Variants in SCARA3 observed in about 807,000 individuals in gnomAD.
SCARA3 encodes scavenger receptor class A member 3, also known as cellular stress response gene protein.
A neutral mutation model predicts 47.0 loss-of-function variants in SCARA3; 39 were observed. That is an observed-to-expected ratio of 0.83 (90% CI 0.64 to 1.08). SCARA3 has a LOEUF of 1.08. Ranked by LOEUF, SCARA3 falls within the 50% of genes least tolerant of loss-of-function variation. The probability of loss-of-function intolerance (pLI) is 0.00; values close to 1 mark genes in which losing one functional copy is unlikely to be tolerated. For missense variants in SCARA3, 724 were observed against 792.3 expected (o/e 0.91, Z 1.04); for synonymous variants, 356 against 334.1 (o/e 1.07, Z -0.71).
upstream of SCARA3, among the ~76,000 whole-genome samples, chr8:27,633,648 G>A (rs1415552265): frequency 6.6e-6 from 1 of 152,142 alleles, no homozygotes; most frequent in Non-Finnish European, 1.5e-5. Flanking sequence ...CGCCGCGGGA[G>A]CCCGGGTTCG....
chr8:27,663,306 C>A (rs1801951284), intron 5 of SCARA3, among the ~76,000 whole-genome samples: 1 of 152,230 alleles, frequency 6.6e-6, no homozygotes, highest in Admixed American at 6.5e-5. Context: ...CATCTGTAAA[C>A]CAGGACTGAA....
chr8:27,670,504 C>T (rs972354820), intron 5 of SCARA3, among the ~76,000 whole-genome samples: 6 of 152,154 alleles, frequency 3.9e-5, no homozygotes, highest in Non-Finnish European at 7.3e-5. Context: ...CTCCATGTCA[C>T]CTGACTTGAA....
intron 1 of SCARA3, among the ~76,000 whole-genome samples, chr8:27,636,213 C>T (rs1043759212): frequency 1.3e-5 from 2 of 152,238 alleles, no homozygotes; most frequent in African/African-American, 4.8e-5. Context: ...CGGGGCCACA[C>T]TGCCCTGGAC....
At chr8:27,686,579 G>C in the SCARA3 span, among the ~76,000 whole-genome samples, 4 of 152,090 alleles carry the variant, frequency 2.6e-5, no homozygotes, top group South Asian at 4.2e-4. Context: ...GCCTCCTGGG[G>C]GGCCAGGCTG....
the SCARA3 span, among the ~76,000 whole-genome samples, chr8:27,692,057 G>A: frequency 1.3e-5 from 2 of 152,142 alleles, no homozygotes; most frequent in African/African-American, 4.8e-5. Flanking sequence ...GGAAGGGGGA[G>A]TTGGACATAC....
At chr8:27,711,830 C>T in the SCARA3 span, among the ~76,000 whole-genome samples, 2 of 152,164 alleles carry the variant, frequency 1.3e-5, no homozygotes, top group Non-Finnish European at 2.9e-5. Context: ...CCTGCCCCGA[C>T]ATATGCACAG....
the SCARA3 span, among the ~76,000 whole-genome samples, chr8:27,715,045 GAGT>G: frequency 6.6e-6 from 1 of 152,064 alleles, no homozygotes; most frequent in Non-Finnish European, 1.5e-5. The surrounding 1 kb of genome is among the most constrained non-coding windows in gnomAD (Gnocchi z 4.2). Flanking sequence ...TGAGCCTCCT[GAGT>G]AGCTGGGACT....
At chr8:27,669,363 C>T (rs1033021081) in intron 5 of SCARA3, among the ~76,000 whole-genome samples, 5 of 152,232 alleles carry the variant, frequency 3.3e-5, no homozygotes, top group Non-Finnish European at 5.9e-5. Flanking sequence ...CTGGCCCAGG[C>T]GCCAGGAGCA....
rs1261245161 is a variant in SCARA3, at chr8:27,671,859, A to T, written c.*508A>T. On this transcript the variant is annotated 3_prime_UTR_variant, in exon 6 of 6. Coordinates refer to ENST00000301904, the MANE Select transcript of SCARA3 (RefSeq NM_016240.3). ...GATTTTTCTGCTGGCCAGGTGGGCC[A>T]ACTGGGTTTCCCTGGCTGGGCAGGA... 3.0e-6 allele frequency: 3 copies of T among 985,432 alleles called. No homozygotes were observed. Among genetic ancestry groups the T allele is most frequent in the Non-Finnish European group, 3.6e-6 (3 of 830,010 alleles). 61.0% of individuals were successfully genotyped at this position (985,432 alleles called of 1,614,324 possible). A position where few individuals can be genotyped will look rare whatever the true frequency, so the allele number is the denominator to read the frequency against.
the SCARA3 span, among the ~76,000 whole-genome samples, chr8:27,699,540 G>T: frequency 1.3e-5 from 2 of 152,186 alleles, no homozygotes; most frequent in African/African-American, 4.8e-5. Flanking sequence ...TGACAAAACT[G>T]ATTCTAAAAA....
At chr8:27,649,882 T>A in intron 2 of SCARA3, 82 bp downstream of exon 2, 2 of 1,259,258 alleles carry the variant, frequency 1.6e-6, no homozygotes, top group Non-Finnish European at 2.2e-6. Flanking sequence ...GAGAGATTTG[T>A]CTCTTTAGGT....
At chr8:27,643,141 C>T (rs950372865) in intron 1 of SCARA3, among the ~76,000 whole-genome samples, 1 of 152,172 alleles carries the variant, frequency 6.6e-6, no homozygotes, top group Admixed American at 6.5e-5. Flanking sequence ...GGGCCGTGCT[C>T]ATCTAATGAA....
chr8:27,691,981 A>G, the SCARA3 span, among the ~76,000 whole-genome samples: 10 of 152,098 alleles, frequency 6.6e-5, no homozygotes, highest in Non-Finnish European at 1.5e-4. Context: ...CAAACAAAGG[A>G]ATGGACCCCT....
the SCARA3 span, among the ~76,000 whole-genome samples, chr8:27,685,937 T>C: frequency 3.3e-5 from 5 of 151,876 alleles, no homozygotes; most frequent in African/African-American, 1.2e-4. Context: ...GGGGGGGAAA[T>C]GTGTACAGAG....
the SCARA3 span, among the ~76,000 whole-genome samples, chr8:27,708,948 G>A: frequency 6.6e-6 from 1 of 152,020 alleles, no homozygotes; most frequent in East Asian, 1.9e-4. Context: ...AGCTTTTTTG[G>A]TTTCAAAGTC....
At chr8:27,649,547 C>T (rs937490275) in intron 1 of SCARA3, among the ~76,000 whole-genome samples, 155 bp from the exon 2 acceptor site, 1 of 152,190 alleles carries the variant, frequency 6.6e-6, no homozygotes, top group East Asian at 1.9e-4. Flanking sequence ...ATTCTTATGT[C>T]CGCTCCCTTT....
At chr8:27,704,147 C>A in the SCARA3 span, among the ~76,000 whole-genome samples, 1 of 151,960 alleles carries the variant, frequency 6.6e-6, no homozygotes, top group Non-Finnish European at 1.5e-5. Context: ...AGAATATTAA[C>A]AAGAAGAGTG....
At chr8:27,677,802 T>C (rs1243052907), downstream of SCARA3, among the ~76,000 whole-genome samples, 2 of 152,184 alleles carry the variant, frequency 1.3e-5, no homozygotes, top group Non-Finnish European at 2.9e-5. Flanking sequence ...ATGTGAGCCA[T>C]GAAACAAGCC....
At chr8:27,702,803 A>G in the SCARA3 span, 139,504 of 152,378 alleles carry the variant, frequency 0.92, 65,191 homozygotes, top group East Asian at 1. Context: ...GCTTCCTTGT[A>G]TCTCTGCCAA....
Sources: allele counts gnomAD v4.1 joint callset (sites outside exome capture counted in the v4.1 genomes callset), GRCh38; gene constraint gnomAD v4.1.1; non-coding constraint Gnocchi (gnomAD v3.1); transcripts MANE v1.5; gene names NCBI Gene and HGNC (gene_info 2026-07-23, HGNC 2026-07-21).